The following OSBPL9 variants were observed in gnomAD, a reference collection of about 807,000 sequenced individuals.
OSBPL9 encodes the protein oxysterol binding protein like 9, also known as oxysterol-binding protein-related protein 9.
Under a neutral mutation model 106.6 loss-of-function variants are expected in OSBPL9, and 40 were observed. That is an observed-to-expected ratio of 0.38 (90% CI 0.29 to 0.49). OSBPL9 has a LOEUF of 0.49. Ranked by LOEUF, OSBPL9 falls within the 20% of genes least tolerant of loss-of-function variation. The probability of loss-of-function intolerance (pLI) is 0.97; values close to 1 mark genes in which losing one functional copy is unlikely to be tolerated. For missense variants in OSBPL9, 609 were observed against 887.2 expected, an observed-to-expected ratio of 0.69 and a Z score of 3.98; for synonymous variants, 269 against 295.4, an observed-to-expected ratio of 0.91 and a Z score of 0.92.
intron 2 of OSBPL9, among the ~76,000 whole-genome samples, chr1:51,608,242 T>A (rs1430912933): frequency 1.3e-5 from 2 of 152,214 alleles, no homozygotes; most frequent in African/African-American, 4.8e-5. Context: ...GTCTTCTGTC[T>A]GTTGGGAGAC....
intron 2 of OSBPL9, among the ~76,000 whole-genome samples, chr1:51,666,050 G>A (rs1336644676): frequency 6.6e-6 from 1 of 151,968 alleles, no homozygotes; most frequent in African/African-American, 2.4e-5. Context: ...GTTTCAACAT[G>A]TTGACCAGGC....
intron 3 of OSBPL9, among the ~76,000 whole-genome samples, chr1:51,674,234 AT>A (rs905541594): frequency 2.2e-4 from 33 of 147,782 alleles, no homozygotes; most frequent in Middle Eastern, 3.5e-3. Flanking sequence ...TGGCTGACTA[AT>A]TTTTTTTTTA....
chr1:51,569,511 T>C, the OSBPL9 span: 1 of 152,228 alleles, frequency 6.6e-6, no homozygotes, highest in Non-Finnish European at 1.5e-5. Flanking sequence ...CATTAGGACC[T>C]AATGGAGCTG....
intron 3 of OSBPL9, among the ~76,000 whole-genome samples, chr1:51,699,539 A>C (rs1656795667): frequency 6.6e-6 from 1 of 152,156 alleles, no homozygotes; most frequent in African/African-American, 2.4e-5. Context: ...CCTCAATTTG[A>C]CCAGAGGAAT....
intron 5 of OSBPL9, 49 bp from the exon 6 acceptor site, chr1:51,746,661 C>T (rs368827279): frequency 1.7e-5 from 23 of 1,323,336 alleles, no homozygotes; most frequent in East Asian, 7.1e-5. Context: ...GAATGTACAT[C>T]GTATAGTAAA....
intron 1 of OSBPL9, among the ~76,000 whole-genome samples, chr1:51,584,340 A>G (rs1423495398): frequency 6.6e-6 from 1 of 152,102 alleles, no homozygotes; most frequent in African/African-American, 2.4e-5. Context: ...CAAACTCACC[A>G]TGTGACTTTA....
At chr1:51,519,335 G>A in the OSBPL9 span, 1 of 345,972 alleles carries the variant, frequency 2.9e-6, no homozygotes, top group Non-Finnish European at 5.2e-6. Flanking sequence ...GGGCGGGCGG[G>A]CGGGCGTCTC....
At chr1:51,651,765 A>G (rs555338345) in intron 1 of OSBPL9, among the ~76,000 whole-genome samples, 180 of 152,326 alleles carry the variant, frequency 1.2e-3, no homozygotes, top group African/African-American at 3.9e-3. Context: ...GTTACATTAA[A>G]GGTATGTGTA....
chr1:51,652,883 A>G (rs915835889), intron 2 of OSBPL9, among the ~76,000 whole-genome samples: 2 of 152,234 alleles, frequency 1.3e-5, no homozygotes, highest in African/African-American at 4.8e-5. Context: ...CCTCTATCAT[A>G]ACTAGGTTAA....
At chr1:51,654,709 T>TATC (rs1302821812) in intron 2 of OSBPL9, among the ~76,000 whole-genome samples, 1 of 148,842 alleles carries the variant, frequency 6.7e-6, no homozygotes, top group Non-Finnish European at 1.5e-5. Flanking sequence ...AAATACAGTC[T>TATC]ATTATTATTA....
At chr1:51,762,605 C>T (rs1290672295) in intron 11 of OSBPL9, among the ~76,000 whole-genome samples, 1 of 152,208 alleles carries the variant, frequency 6.6e-6, no homozygotes, top group Non-Finnish European at 1.5e-5. Flanking sequence ...CACAGAAGTG[C>T]ACAGAATAAA....
intron 3 of OSBPL9, among the ~76,000 whole-genome samples, chr1:51,700,641 G>C (rs1375897069): frequency 1.3e-5 from 2 of 152,142 alleles, no homozygotes; most frequent in Admixed American, 6.6e-5. Context: ...CCTTGTCTCA[G>C]TGGATTGTAT....
the OSBPL9 span, among the ~76,000 whole-genome samples, chr1:51,569,140 C>A: frequency 6.6e-6 from 1 of 152,058 alleles, no homozygotes; most frequent in Non-Finnish European, 1.5e-5. Context: ...GTTACAGATA[C>A]AACACTCTGG....
intron 1 of OSBPL9, among the ~76,000 whole-genome samples, chr1:51,591,330 C>T (rs1271189212): frequency 6.6e-6 from 1 of 152,164 alleles, no homozygotes; most frequent in Non-Finnish European, 1.5e-5. Context: ...CTTCAGCCTC[C>T]CAAAACACTA....
intron 1 of OSBPL9, among the ~76,000 whole-genome samples, chr1:51,649,347 G>A (rs114150067): frequency 0.012 from 1,812 of 152,262 alleles, 38 homozygotes; most frequent in African/African-American, 0.042. Context: ...CCTCACTCAA[G>A]TGATCTGCCC....
intron 3 of OSBPL9, among the ~76,000 whole-genome samples, chr1:51,710,669 T>G (rs1659607167): frequency 6.6e-6 from 1 of 152,262 alleles, no homozygotes; most frequent in South Asian, 2.1e-4. Context: ...TACTCTCTTT[T>G]AGCCATTAAA....
At chr1:51,642,721 G>A (rs912833818) in intron 1 of OSBPL9, among the ~76,000 whole-genome samples, 2 of 152,182 alleles carry the variant, frequency 1.3e-5, no homozygotes, top group African/African-American at 4.8e-5. Flanking sequence ...TATCTAGGGA[G>A]ATAGCTGTAC....
intron 13 of OSBPL9, 28 bp downstream of exon 13, chr1:51,772,210 T>C: frequency 6.4e-7 from 1 of 1,569,124 alleles, no homozygotes; most frequent in Non-Finnish European, 8.7e-7. Flanking sequence ...ATTTAACTTT[T>C]TTTTCTTTAA....
At chr1:51,713,343 T>G (rs1037285898) in intron 3 of OSBPL9, among the ~76,000 whole-genome samples, 3 of 151,896 alleles carry the variant, frequency 2.0e-5, no homozygotes, top group Admixed American at 6.6e-5. Flanking sequence ...AGAGATGGGG[T>G]TTTACCATGT....
Sources: gnomAD v4.1 joint callset for allele counts (sites outside exome capture counted in the v4.1 genomes callset) on GRCh38, gnomAD v4.1.1 for gene constraint, MANE v1.5 for transcripts, NCBI Gene and HGNC (gene_info 2026-07-23, HGNC 2026-07-21) for gene names.